The following DPY19L4 variants were observed in gnomAD, a reference collection of about 807,000 sequenced individuals.
DPY19L4 encodes probable C-mannosyltransferase DPY19L4.
A neutral mutation model predicts 102.8 loss-of-function variants in DPY19L4; 97 were observed. That is an observed-to-expected ratio of 0.94 (90% CI 0.80 to 1.12). The LOEUF (loss-of-function observed/expected upper bound fraction) is 1.12. DPY19L4 is among the 50% of genes most tolerant of loss of function. The probability of loss-of-function intolerance (pLI) is 0.00; values close to 1 mark genes in which losing one functional copy is unlikely to be tolerated. For missense variants in DPY19L4, 815 were observed against 850.4 expected, an observed-to-expected ratio of 0.96 and a Z score of 0.52; for synonymous variants, 252 against 283.1, an observed-to-expected ratio of 0.89 and a Z score of 1.10.
Position 94,739,832 on chromosome 8 carries a change from G to C in DPY19L4, c.611+42G>C, listed in dbSNP as rs150513785. The C allele has an allele frequency of 2.4e-4, 385 of 1,603,102 alleles. No individual in the cohort carries two copies. In the African/African-American group the frequency reaches 4.3e-3, roughly 18 times the overall value. ...AATTGATTTTTAAAAACTTTTTGTG[G>C]CTGTAGTAGTCAGAGTTCTGAAAAT... On this transcript the variant is annotated intron_variant, in intron 6 of 18. Coordinates refer to ENST00000414645, the MANE Select transcript of DPY19L4 (RefSeq NM_181787.3).
Position 94,739,727 on chromosome 8 carries a change from G to A in DPY19L4, c.548G>A (p.Ser183Asn). 3 of 1,613,478 alleles carry A rather than the reference G, an allele frequency of 1.9e-6. No homozygotes were observed. Among genetic ancestry groups the A allele is most frequent in the Non-Finnish European group, 2.5e-6 (3 of 1,180,026 alleles). The stretch of plus-strand genomic sequence containing the variant: ...TATGTTACTGCTTTATTTGTTACAA[G>A]TTGGCTTATGAGTGGAACATGGCTA... The part of the protein sequence containing the change: ...GIYVTALFVT[S>N]WLMSGTWLAG... The change falls in exon 6 of 19, where the codon AGT becomes AAT. Residue 183 changes from serine to asparagine, a missense_variant. By Grantham distance (46) the Ser-to-Asn change is conservative. Transcript: ENST00000414645.
Position 94,761,801 on chromosome 8 carries a change from G to A in DPY19L4, c.837G>A (p.Leu279=). ...LLFLQAISLF[L]LDTFSVEQSD... Reference sequence around the variant, plus strand: ...TTCTTCAAGCAATATCTCTATTCCTGCTAGATACCTTTTCAGTGGAGCAAA... The same window carrying A: ...TTCTTCAAGCAATATCTCTATTCCTACTAGATACCTTTTCAGTGGAGCAAA... Residue 279 remains leucine (L), a synonymous_variant, in exon 8 of 19, where the codon CTG becomes CTA. Coordinates refer to ENST00000414645, the MANE Select transcript of DPY19L4 (RefSeq NM_181787.3). 6.2e-7 allele frequency: 1 copy of A among 1,609,998 alleles called. No individual in the cohort carries two copies. Among genetic ancestry groups the A allele is most frequent in the Non-Finnish European group, 8.5e-7 (1 of 1,178,478 alleles).
intron 1 of DPY19L4, chr8:94,720,267 G>A: frequency 1.0e-6 from 1 of 985,340 alleles, no homozygotes; most frequent in South Asian, 4.7e-5. Context: ...TCCGTAGCAA[G>A]AGAGAAAGCT....
At chr8:94,728,515 C>T (rs1415907947) in intron 2 of DPY19L4, among the ~76,000 whole-genome samples, 1 of 152,204 alleles carries the variant, frequency 6.6e-6, no homozygotes, top group Non-Finnish European at 1.5e-5. Flanking sequence ...AGATTGCTTG[C>T]TCTGCACTAA....
chr8:94,753,947 C>A (rs1353448916), intron 6 of DPY19L4, among the ~76,000 whole-genome samples: 3 of 151,992 alleles, frequency 2.0e-5, no homozygotes, highest in Admixed American at 2.0e-4. Flanking sequence ...TTTGGGAAGC[C>A]AAGGCAGGCA....
At chr8:94,782,050 A>G (rs1002424544) in intron 16 of DPY19L4, among the ~76,000 whole-genome samples, 2 of 152,254 alleles carry the variant, frequency 1.3e-5, no homozygotes, top group African/African-American at 4.8e-5. Flanking sequence ...CAGCAGAATT[A>G]GACCTCTAGC....
In DPY19L4 at chr8:94,770,504, A is replaced by G. The variant is rs377470836; in HGVS notation, c.1387A>G (p.Arg463Gly). Residue 463 changes from arginine to glycine, a missense_variant, in exon 13 of 19, where the codon AGA (arginine) becomes GGA (glycine). Transcript: ENST00000414645. ...VTLEDGRIGERPEIIYHVIHT... is the reference protein window; with the variant it reads ...VTLEDGRIGEGPEIIYHVIHT... ...TCTTGAAGATGGACGAATTGGAGAA[A>G]GACCAGAAATAATTTATCATGTAAT... 9 of 1,613,888 alleles carry G rather than the reference A, an allele frequency of 5.6e-6. No homozygotes were observed. Among genetic ancestry groups the G allele is most frequent in the Non-Finnish European group, 6.8e-6 (8 of 1,179,960 alleles).
At position 94,793,338 on chromosome 8, in the gene DPY19L4, A is replaced by G. The variant is rs1230559635; in HGVS notation, c.*3428A>G. 6.6e-6 allele frequency: 1 copy of G among 152,184 alleles called. No homozygotes were observed. Among genetic ancestry groups the G allele is most frequent in the Non-Finnish European group, 1.5e-5 (1 of 68,010 alleles). The allele number at this position is 152,184 out of a possible 1,614,324, so 9.4% of individuals were successfully genotyped here. Reference sequence around the variant, plus strand: ...GATAAATCAGTTGTTTTGGGCCCCTATTTTTGAACTGTTAAAAAATTTTGA... The same window carrying G: ...GATAAATCAGTTGTTTTGGGCCCCTGTTTTTGAACTGTTAAAAAATTTTGA... On this transcript the variant is annotated 3_prime_UTR_variant, in exon 19 of 19. Transcript: ENST00000414645.
intron 2 of DPY19L4, among the ~76,000 whole-genome samples, chr8:94,732,459 A>G (rs1001124629): frequency 6.6e-6 from 1 of 152,198 alleles, no homozygotes; most frequent in African/African-American, 2.4e-5. Flanking sequence ...TAGGAAGCCA[A>G]AGTGGAAGGA....
intron 13 of DPY19L4, among the ~76,000 whole-genome samples, chr8:94,773,302 A>G (rs1813013358): frequency 6.6e-6 from 1 of 151,980 alleles, no homozygotes; most frequent in South Asian, 2.1e-4. Context: ...GGAGCATCTT[A>G]TCTTTCTTTA....
chr8:94,728,026 G>A (rs898153447), intron 2 of DPY19L4, among the ~76,000 whole-genome samples: 4 of 152,066 alleles, frequency 2.6e-5, no homozygotes, highest in Non-Finnish European at 5.9e-5. Flanking sequence ...CCATGGTGCG[G>A]TCTCTGCTTA....
At chr8:94,734,527 G>GT in intron 2 of DPY19L4, 103 bp from the exon 3 acceptor site, 1 of 1,198,300 alleles carries the variant, frequency 8.3e-7, no homozygotes, top group Non-Finnish European at 1.2e-6. Context: ...GACTCGAGTT[G>GT]TGGGTTTTGG....
Position 94,734,757 on chromosome 8 carries a change from A to G in DPY19L4, c.252+3A>G, listed in dbSNP as rs767987469. On this transcript the variant is annotated splice_donor_region_variant and intron_variant, in intron 3 of 18. Transcript: ENST00000414645. ...AATTCTGGTTTTCCAACAGGCAGGT[A>G]AGAAGAAAGAATTTTGAGCATATGA... 4 of 1,613,416 alleles carry G rather than the reference A, an allele frequency of 2.5e-6. No individual in the cohort carries two copies. The highest frequency in any genetic ancestry group is 4.5e-5 in the East Asian group (2 of 44,844).
chr8:94,756,041 A>T lies in DPY19L4; in HGVS notation c.617A>T (p.Asp206Val), dbSNP rs1468064059. The T allele has an allele frequency of 6.2e-7, 1 of 1,610,194 alleles. No homozygotes were observed. The highest frequency in any genetic ancestry group is 8.5e-7 in the Non-Finnish European group (1 of 1,179,384). ...TCATCTGTGGTTTATTTTAGGGTAG[A>T]TACAACAAGAATTGAATACTCCATT... ...TVAWFVINRV[D>V]TTRIEYSIPL... The change falls in exon 7 of 19, where the codon GAT becomes GTT. Residue 206 changes from aspartate (D) to valine (V), a missense_variant. By Grantham distance (152) the Asp-to-Val change is radical (BLOSUM62 -3). Transcript: ENST00000414645.
intron 6 of DPY19L4, among the ~76,000 whole-genome samples, chr8:94,745,311 C>G (rs1318881935): frequency 6.8e-6 from 1 of 147,824 alleles, no homozygotes; most frequent in Non-Finnish European, 1.5e-5. Flanking sequence ...GTCCAGGTTC[C>G]ACGTAGAAGC....
intron 6 of DPY19L4, among the ~76,000 whole-genome samples, chr8:94,750,433 A>G (rs184969233): frequency 6.6e-6 from 1 of 152,190 alleles, no homozygotes; most frequent in African/African-American, 2.4e-5. Context: ...TTGTTAGAGA[A>G]TTAGAAAAGA....
Position 94,726,338 on chromosome 8 carries a change from T to G in DPY19L4, c.24T>G (p.Pro8=), listed in dbSNP as rs1810687595. The G allele has an allele frequency of 6.2e-7, 1 of 1,607,420 alleles. No individual in the cohort carries two copies. Among genetic ancestry groups the G allele is most frequent in the Non-Finnish European group, 8.5e-7 (1 of 1,178,464 alleles). Reference sequence around the variant, plus strand: ...TGTCTTAAATATTTTAAGGACCACCTGTAGAGCTGCGCCAAAGAAAAAAGC... The same window carrying G: ...TGTCTTAAATATTTTAAGGACCACCGGTAGAGCTGCGCCAAAGAAAAAAGC... MAEEEGP[P]VELRQRKKPK... is the part of the protein sequence containing the mutation. Residue 8 remains proline (P), a synonymous_variant, in exon 2 of 19, where the codon CCT becomes CCG. Coordinates refer to ENST00000414645, the MANE Select transcript of DPY19L4 (RefSeq NM_181787.3).
In DPY19L4 at chr8:94,726,536, G is replaced by A. The variant is rs566090301; in HGVS notation, c.127+95G>A. ...AATATTTTAAATATACATATTTTGA[G>A]ATTAAGTATATGCTCAGCTTTCACT... On this transcript the variant is annotated intron_variant, in intron 2 of 18. Transcript: ENST00000414645. 8.9e-5 allele frequency: 93 copies of A among 1,042,904 alleles called. No individual in the cohort carries two copies. The Middle Eastern group carries it at 1.5e-3, about 17-fold the overall frequency. 64.6% of individuals were successfully genotyped at this position (1,042,904 alleles called of 1,614,324 possible). A position where few individuals can be genotyped will look rare whatever the true frequency, so the allele number is the denominator to read the frequency against.
chr8:94,742,507 C>T (rs1027617235), intron 6 of DPY19L4, among the ~76,000 whole-genome samples: 17 of 151,952 alleles, frequency 1.1e-4, no homozygotes, highest in African/African-American at 4.1e-4. Context: ...ATTCTCCCAC[C>T]TCAGCCTCCC....
Sources: gnomAD v4.1 joint callset for allele counts (sites outside exome capture counted in the v4.1 genomes callset) on GRCh38, gnomAD v4.1.1 for gene constraint, MANE v1.5 for transcripts, NCBI Gene and HGNC (gene_info 2026-07-23, HGNC 2026-07-21) for gene names.